FLI1: variants seen among roughly 807,000 people sequenced by gnomAD.
FLI1 encodes Fli-1 proto-oncogene, ETS transcription factor.
A neutral mutation model predicts 53.1 loss-of-function variants in FLI1; 13 were observed. That is an observed-to-expected ratio of 0.24 (90% CI 0.16 to 0.39). The LOEUF is 0.39. Among genes scored for constraint, FLI1 ranks in the 10% least tolerant of loss-of-function variants. The pLI, the probability that FLI1 is intolerant of heterozygous loss-of-function variation, is 1.00. For missense variants in FLI1, 424 were observed against 600.5 expected (o/e 0.71, Z 3.07); for synonymous variants, 244 against 236.7 (o/e 1.03, Z -0.28).
intron 1 of FLI1, among the ~76,000 whole-genome samples, chr11:128,752,708 A>G (rs952501104): frequency 2.0e-5 from 3 of 152,246 alleles, no homozygotes; most frequent in African/African-American, 7.2e-5. Flanking sequence ...CATCTGAAAA[A>G]ATAGAATACA....
intron 1 of FLI1, among the ~76,000 whole-genome samples, chr11:128,687,268 GT>G (rs58042419): frequency 0.026 from 3,862 of 148,316 alleles, 191 homozygotes; most frequent in African/African-American, 0.086. Flanking sequence ...AAGGGTTTTG[GT>G]TTTTTTTTTT....
chr11:128,767,151 G>A (rs1186942485), intron 2 of FLI1, among the ~76,000 whole-genome samples: 1 of 152,220 alleles, frequency 6.6e-6, no homozygotes, highest in Non-Finnish European at 1.5e-5. Flanking sequence ...CCTCCAGACA[G>A]CTGCCCATCA....
At chr11:128,693,668 G>A (rs991833405), upstream of FLI1, 1 of 232,136 alleles carries the variant, frequency 4.3e-6, no homozygotes, top group Non-Finnish European at 8.5e-6. Context: ...TTTGGCTTTG[G>A]ATTTTGGGGG....
chr11:128,731,568 C>CA (rs1395742184), intron 1 of FLI1, among the ~76,000 whole-genome samples: 3 of 148,384 alleles, frequency 2.0e-5, no homozygotes, highest in East Asian at 2.0e-4. Flanking sequence ...AAAAAACAAA[C>CA]AAAAAAACCC....
chr11:128,736,726 T>C (rs1939930961), intron 1 of FLI1, among the ~76,000 whole-genome samples: 1 of 152,244 alleles, frequency 6.6e-6, no homozygotes, highest in Non-Finnish European at 1.5e-5. Flanking sequence ...CTAGAAAAGA[T>C]AGCTGCTGTT....
At chr11:128,773,099 G>A (rs115426289) in intron 4 of FLI1, 114 bp downstream of exon 4, 160 of 963,402 alleles carry the variant, frequency 1.7e-4, no homozygotes, top group Admixed American at 2.3e-4. Flanking sequence ...GAGCAGCATC[G>A]TGGGGCCTGT....
intron 4 of FLI1, among the ~76,000 whole-genome samples, chr11:128,776,290 C>T (rs1050890113): frequency 1.3e-5 from 2 of 152,228 alleles, no homozygotes; most frequent in Non-Finnish European, 1.5e-5. Flanking sequence ...ACCCCTCCCC[C>T]CCACCACCAC....
chr11:128,750,017 G>A (rs1451749730), intron 1 of FLI1, among the ~76,000 whole-genome samples: 1 of 152,240 alleles, frequency 6.6e-6, no homozygotes, highest in African/African-American at 2.4e-5. Context: ...TTGCACCTAA[G>A]TATCTTGTTC....
intron 3 of FLI1, among the ~76,000 whole-genome samples, chr11:128,769,124 A>T (rs1941462310): frequency 6.6e-6 from 1 of 152,178 alleles, no homozygotes. Flanking sequence ...TCTTTTTCCT[A>T]GGTGTTGGTG....
At chr11:128,806,789 A>G (rs1217889532) in intron 6 of FLI1, 1 of 157,216 alleles carries the variant, frequency 6.4e-6, no homozygotes, top group Non-Finnish European at 1.4e-5. Context: ...CTCAGTAAGG[A>G]CTTCTCTAAC....
intron 1 of FLI1, among the ~76,000 whole-genome samples, chr11:128,725,228 G>A (rs1337091416): frequency 6.6e-6 from 1 of 152,232 alleles, no homozygotes; most frequent in African/African-American, 2.4e-5. Flanking sequence ...AAAGGGACCT[G>A]TTAGGTGAGC....
At chr11:128,748,206 G>C (rs529713389) in intron 1 of FLI1, 3 of 932,844 alleles carry the variant, frequency 3.2e-6, no homozygotes, top group Non-Finnish European at 3.8e-6. Context: ...AAGTACTTTC[G>C]TCTGCAAATA....
intron 2 of FLI1, among the ~76,000 whole-genome samples, chr11:128,763,996 C>T (rs1004726713): frequency 3.3e-5 from 5 of 152,210 alleles, no homozygotes; most frequent in African/African-American, 7.2e-5. Flanking sequence ...AGGAGTTACA[C>T]GCCGCGGGTC....
intron 1 of FLI1, among the ~76,000 whole-genome samples, chr11:128,756,473 C>G (rs959060411): frequency 1.3e-5 from 2 of 152,166 alleles, no homozygotes; most frequent in African/African-American, 4.8e-5. Context: ...CAAATACAAT[C>G]ACATTCTGAG....
At chr11:128,808,460 T>C (rs1294805315) in intron 7 of FLI1, among the ~76,000 whole-genome samples, 1 of 152,072 alleles carries the variant, frequency 6.6e-6, no homozygotes, top group African/African-American at 2.4e-5. Context: ...AACACATACG[T>C]TTTGAGGAAA....
At chr11:128,768,956 G>A (rs1053549372) in intron 3 of FLI1, among the ~76,000 whole-genome samples, 1 of 152,234 alleles carries the variant, frequency 6.6e-6, no homozygotes, top group Non-Finnish European at 1.5e-5. Flanking sequence ...GCAGAGGCCA[G>A]TCCTTCCCTC....
intron 3 of FLI1, 24 bp from the exon 4 acceptor site, chr11:128,772,758 C>G (rs1474370502): frequency 1.9e-6 from 3 of 1,608,626 alleles, no homozygotes; most frequent in Non-Finnish European, 2.6e-6. Flanking sequence ...GCAGTCCTTG[C>G]TAACAACGTC....
chr11:128,711,040 T>C (rs1257715099), intron 1 of FLI1, among the ~76,000 whole-genome samples: 1 of 152,232 alleles, frequency 6.6e-6, no homozygotes, highest in African/African-American at 2.4e-5. Flanking sequence ...AACATGGAAA[T>C]GTCCTGTTCT....
At chr11:128,753,500 C>T (rs1398412175) in intron 1 of FLI1, among the ~76,000 whole-genome samples, 1 of 152,212 alleles carries the variant, frequency 6.6e-6, no homozygotes, top group Non-Finnish European at 1.5e-5. Flanking sequence ...GTTCTTCCTA[C>T]ACCCAGCCTA....
Sources: allele counts gnomAD v4.1 joint callset (sites outside exome capture counted in the v4.1 genomes callset), GRCh38; gene constraint gnomAD v4.1.1; transcripts MANE v1.5; gene names NCBI Gene and HGNC (gene_info 2026-07-23, HGNC 2026-07-21).